ARHGAP6: variants seen among roughly 807,000 people sequenced by gnomAD.
ARHGAP6 encodes the protein rho GTPase-activating protein 6.
A neutral mutation model predicts 55.7 loss-of-function variants in ARHGAP6; 16 were observed. That is an observed-to-expected ratio of 0.29 (90% CI 0.19 to 0.44). The LOEUF is 0.44. Among genes scored for constraint, ARHGAP6 ranks in the 20% least tolerant of loss-of-function variants. ARHGAP6 has a pLI of 1.00. For missense variants in ARHGAP6, 698 were observed against 808.9 expected, an observed-to-expected ratio of 0.86 and a Z score of 1.66; for synonymous variants, 382 against 360.9, an observed-to-expected ratio of 1.06 and a Z score of -0.66.
At chrX:11,571,709 A>AAATAATAAT (rs565943916) in intron 1 of ARHGAP6, among the ~76,000 whole-genome samples, 16,000 of 95,601 alleles carry the variant, frequency 0.17, 1,359 homozygotes, top group Middle Eastern at 0.26. Flanking sequence ...CTTGTATATT[A>AAATAATAAT]AATAATAATA....
chrX:11,434,020 A>G (rs773131931), intron 1 of ARHGAP6, among the ~76,000 whole-genome samples: 3 of 111,719 alleles, frequency 2.7e-5, no homozygotes, highest in Admixed American at 1.9e-4. Context: ...GTGATTCTCA[A>G]CAGGGGAAAT....
At chrX:11,518,368 T>G (rs760411591) in intron 1 of ARHGAP6, among the ~76,000 whole-genome samples, 1 of 110,025 alleles carries the variant, frequency 9.1e-6, no homozygotes, top group South Asian at 4.0e-4. Flanking sequence ...GGTCTCAAAC[T>G]CCTGGCTTCA....
chrX:11,422,978 G>A (rs895951607), intron 1 of ARHGAP6, among the ~76,000 whole-genome samples: 1 of 112,041 alleles, frequency 8.9e-6, no homozygotes, highest in African/African-American at 3.2e-5. Flanking sequence ...TGCCAGGTTG[G>A]GGGTGGGAGT....
rs183286084 is a variant in ARHGAP6, at chrX:11,255,495, T to C, written c.589-788A>G. Among the ~76,000 whole-genome samples the C allele has an allele frequency of 1.4e-3, 160 of 110,949 alleles. 1 individual carries two copies. Among genetic ancestry groups the C allele is most frequent in the Middle Eastern group, 4.8e-3 (1 of 210 alleles). On this transcript the variant is annotated intron_variant, in intron 1 of 12. Transcript: ENST00000337414. ...AATAGTATAGTAACATATACCAATA[T>C]AATATAGATGATGAAACTGAGTCTT...
chrX:11,170,072 A>G (rs1224054778), intron 8 of ARHGAP6, among the ~76,000 whole-genome samples: 2 of 111,431 alleles, frequency 1.8e-5, no homozygotes, highest in Non-Finnish European at 3.8e-5. Context: ...TCCACTCAGC[A>G]CCTATCATAG....
chrX:11,596,762 C>T (rs889910434), intron 1 of ARHGAP6, among the ~76,000 whole-genome samples: 3 of 111,223 alleles, frequency 2.7e-5, no homozygotes, highest in African/African-American at 9.8e-5. Flanking sequence ...ATGACTCATA[C>T]TTATCTTTGA....
intron 2 of ARHGAP6, chrX:11,224,399 G>C: frequency 1.7e-6 from 1 of 591,267 alleles, no homozygotes; most frequent in Non-Finnish European, 2.1e-6. Flanking sequence ...GGTAGTAATG[G>C]TTCATGCAGA....
chrX:11,597,607 A>T (rs2051917347), intron 1 of ARHGAP6, among the ~76,000 whole-genome samples: 2 of 112,286 alleles, frequency 1.8e-5, no homozygotes, highest in Non-Finnish European at 3.8e-5. Context: ...TACAGAGTTT[A>T]TCACTGTTAA....
chrX:11,538,367 G>A (rs1311215485), intron 1 of ARHGAP6, among the ~76,000 whole-genome samples: 1 of 111,214 alleles, frequency 9.0e-6, no homozygotes, highest in African/African-American at 3.3e-5. Flanking sequence ...AATAAAAAGG[G>A]ACTTTAAGAC....
At chrX:11,606,738 A>G (rs1334506094) in intron 1 of ARHGAP6, among the ~76,000 whole-genome samples, 1 of 111,648 alleles carries the variant, frequency 9.0e-6, no homozygotes, top group Non-Finnish European at 1.9e-5. Context: ...TTAAAACTTC[A>G]TCTGAACCCA....
At chrX:11,176,965 A>G (rs961195730) in intron 8 of ARHGAP6, among the ~76,000 whole-genome samples, 6 of 112,370 alleles carry the variant, frequency 5.3e-5, no homozygotes, top group African/African-American at 1.9e-4. Flanking sequence ...AGTGAAAAAA[A>G]TTATACATAA....
chrX:11,570,600 A>C (rs890878904), intron 1 of ARHGAP6, among the ~76,000 whole-genome samples: 1 of 110,713 alleles, frequency 9.0e-6, no homozygotes, highest in Admixed American at 9.7e-5. Flanking sequence ...ATGGTACAGA[A>C]ACTGAGGCAT....
chrX:11,419,649 T>C (rs1330598770), intron 1 of ARHGAP6, among the ~76,000 whole-genome samples: 1 of 112,130 alleles, frequency 8.9e-6, no homozygotes, highest in Non-Finnish European at 1.9e-5. Flanking sequence ...TTTGTGCCCA[T>C]GTGGAGAGGC....
chrX:11,637,201 T>G (rs2147182197), intron 1 of ARHGAP6, among the ~76,000 whole-genome samples: 1 of 111,219 alleles, frequency 9.0e-6, no homozygotes, highest in African/African-American at 3.3e-5. Context: ...TAAGAGCCAT[T>G]TTTAGAAAGA....
At position 11,440,173 on chromosome X, in the gene ARHGAP6, T is replaced by C. The variant is rs765017124; in HGVS notation, c.589-185466A>G. Among the ~76,000 whole-genome samples the C allele has an allele frequency of 4.4e-5, 5 of 112,616 alleles. No homozygotes were observed. In the East Asian group the frequency reaches 1.4e-3, roughly 31 times the overall value. ...TGACATCCTATTATTCTTCCTTGTC[T>C]TAAAAACCCTAGGCCACTCACAGGA... On this transcript the variant is annotated intron_variant, in intron 1 of 12. Coordinates refer to ENST00000337414, the MANE Select transcript of ARHGAP6 (RefSeq NM_013427.3).
At chrX:11,149,394 C>T (rs2045743055) in intron 10 of ARHGAP6, among the ~76,000 whole-genome samples, 2 of 109,861 alleles carry the variant, frequency 1.8e-5, no homozygotes, top group Admixed American at 1.9e-4. Context: ...TTATGGAATT[C>T]TCTATTCCAC....
chrX:11,550,270 C>T (rs1255980729), intron 1 of ARHGAP6, among the ~76,000 whole-genome samples: 1 of 111,528 alleles, frequency 9.0e-6, no homozygotes, highest in Non-Finnish European at 1.9e-5. Context: ...CGTTTATCAC[C>T]CTGTTATGCA....
chrX:11,590,869 G>GAAAGAAGGAAA lies in ARHGAP6; in HGVS notation c.588+73371_588+73372insTTTCCTTCTTT, dbSNP rs2051813205. Among the ~76,000 whole-genome samples, 54 of 24,221 alleles carry GAAAGAAGGAAA rather than the reference G, an allele frequency of 2.2e-3. 11 individuals carry two copies. The highest frequency in any genetic ancestry group is 0.042 in the Middle Eastern group (2 of 48). The allele number at this position is 24,221 out of a possible 115,157, so 21.0% of individuals were successfully genotyped here. On this transcript the variant is annotated intron_variant, in intron 1 of 12. Coordinates refer to ENST00000337414, the MANE Select transcript of ARHGAP6 (RefSeq NM_013427.3). ...AAGAAAAGAAAAGAAAAGAAAAGAA[G>GAAAGAAGGAAA]GAAAGAAAGAAAGAAAGAAAGAAAG...
intron 1 of ARHGAP6, among the ~76,000 whole-genome samples, chrX:11,427,395 G>A (rs2049893183): frequency 8.9e-6 from 1 of 112,570 alleles, no homozygotes; most frequent in Non-Finnish European, 1.9e-5. Flanking sequence ...GAGTTAGTGA[G>A]CAGGTGGCAC....
Sources: gnomAD v4.1 joint callset for allele counts (sites outside exome capture counted in the v4.1 genomes callset) on GRCh38, gnomAD v4.1.1 for gene constraint, MANE v1.5 for transcripts, NCBI Gene and HGNC (gene_info 2026-07-23, HGNC 2026-07-21) for gene names.